TPTE: variants seen among roughly 807,000 people sequenced by gnomAD.
TPTE encodes putative tyrosine-protein phosphatase TPTE.
In TPTE, 59 loss-of-function variants were observed where a neutral mutation model predicts 84.1. The ratio of observed to expected loss-of-function variants is 0.70; its 90% CI spans 0.57 to 0.87. TPTE has a LOEUF of 0.87. Among genes scored for constraint, TPTE ranks in the 40% least tolerant of loss-of-function variants. The probability of loss-of-function intolerance (pLI) is 0.00; values close to 1 mark genes in which losing one functional copy is unlikely to be tolerated. For synonymous variants in TPTE, 130 were observed against 223.5 expected (o/e 0.58, Z 3.73); for missense variants, 382 against 659.6 (o/e 0.58, Z 4.61).
At chr21:10,570,216 G>A (rs1406753723) in intron 13 of TPTE, among the ~76,000 whole-genome samples, 1 of 152,312 alleles carries the variant, frequency 6.6e-6, no homozygotes, top group African/African-American at 2.4e-5. Flanking sequence ...TAAGAACAGG[G>A]GGAACTTCAG....
At chr21:10,577,401 A>G in intron 14 of TPTE, 59 bp from the exon 15 acceptor site, 1 of 1,613,780 alleles carries the variant, frequency 6.2e-7, no homozygotes, top group Non-Finnish European at 8.5e-7. Flanking sequence ...GGTTCCCCCT[A>G]GGAAATAGCT....
chr21:10,542,532 C>T, intron 6 of TPTE, 84 bp downstream of exon 6: 1 of 1,033,988 alleles, frequency 9.7e-7, no homozygotes, highest in South Asian at 1.5e-5. Flanking sequence ...AAGTATACCC[C>T]ATCCATCCAT....
At chr21:10,538,123 C>T (rs1291337930) in intron 3 of TPTE, among the ~76,000 whole-genome samples, 14 of 152,306 alleles carry the variant, frequency 9.2e-5, no homozygotes, top group African/African-American at 2.2e-4. Context: ...ACAGCAGGGA[C>T]GGAGAGTAGT....
chr21:10,552,609 T>C, intron 7 of TPTE, 48 bp from the exon 8 acceptor site: 1 of 1,613,122 alleles, frequency 6.2e-7, no homozygotes, highest in Non-Finnish European at 8.5e-7. Flanking sequence ...CTATTTTGTG[T>C]AGCAAATATC....
intron 20 of TPTE, among the ~76,000 whole-genome samples, chr21:10,596,650 C>A (rs796501159): frequency 0.036 from 5,324 of 146,324 alleles, no homozygotes; most frequent in South Asian, 0.073. Flanking sequence ...AGGGATGGGG[C>A]CTCACCACTC....
At chr21:10,547,074 G>A (rs1251773906) in intron 7 of TPTE, among the ~76,000 whole-genome samples, 2 of 152,308 alleles carry the variant, frequency 1.3e-5, no homozygotes, top group Non-Finnish European at 2.9e-5. Context: ...CAAAGCACAG[G>A]CCAATTCTCT....
At chr21:10,522,115 C>T (rs1428549086) in intron 1 of TPTE, among the ~76,000 whole-genome samples, 19 of 152,200 alleles carry the variant, frequency 1.2e-4, no homozygotes, top group Non-Finnish European at 1.9e-4. Context: ...TCCCGCGCCG[C>T]CCCCGAGGCG....
intron 13 of TPTE, 56 bp downstream of exon 13, chr21:10,569,802 G>C (rs530680197): frequency 6.2e-7 from 1 of 1,606,586 alleles, no homozygotes; most frequent in Non-Finnish European, 8.5e-7. Flanking sequence ...TCTTGTAATT[G>C]TATTTTTTTT....
At chr21:10,587,031 G>T (rs1353594123) in intron 17 of TPTE, among the ~76,000 whole-genome samples, 1 of 152,298 alleles carries the variant, frequency 6.6e-6, no homozygotes, top group African/African-American at 2.4e-5. Flanking sequence ...AAAGTCACAG[G>T]TGCAGGCTGA....
chr21:10,565,925 G>C (rs1382506970), intron 10 of TPTE, among the ~76,000 whole-genome samples: 4 of 152,298 alleles, frequency 2.6e-5, no homozygotes, highest in African/African-American at 9.6e-5. Flanking sequence ...ACATTGGGAA[G>C]AATCTCCAGG....
At chr21:10,570,917 C>CCCT (rs2075029494) in intron 14 of TPTE, among the ~76,000 whole-genome samples, 1 of 152,306 alleles carries the variant, frequency 6.6e-6, no homozygotes, top group South Asian at 2.1e-4. Context: ...GACTTGGCTA[C>CCCT]CCTCGACTGA....
intron 17 of TPTE, among the ~76,000 whole-genome samples, chr21:10,583,992 T>C (rs1162019977): frequency 1.3e-5 from 2 of 152,310 alleles, no homozygotes; most frequent in African/African-American, 2.4e-5. Context: ...CCATATAAAT[T>C]TGGGAATCAA....
intron 11 of TPTE, among the ~76,000 whole-genome samples, 194 bp from the exon 12 acceptor site, chr21:10,569,243 G>GACAC (rs146395051): frequency 6.6e-6 from 1 of 152,420 alleles, no homozygotes; most frequent in South Asian, 2.1e-4. Flanking sequence ...GTAACACACA[G>GACAC]ACACACACAC....
intron 14 of TPTE, chr21:10,576,700 T>C: frequency 6.6e-6 from 1 of 152,336 alleles, no homozygotes; most frequent in Non-Finnish European, 1.5e-5. Flanking sequence ...TTTTTGTTGT[T>C]GCACAGAGAT....
intron 17 of TPTE, among the ~76,000 whole-genome samples, chr21:10,581,943 C>G (rs1321706138): frequency 6.6e-6 from 1 of 152,310 alleles, no homozygotes; most frequent in African/African-American, 2.4e-5. Flanking sequence ...CTGTGTTGTC[C>G]AAACTGGTCT....
intron 3 of TPTE, among the ~76,000 whole-genome samples, chr21:10,537,305 A>ATATT (rs2074283299): frequency 2.6e-5 from 4 of 152,302 alleles, no homozygotes; most frequent in Non-Finnish European, 5.9e-5. Flanking sequence ...ATACATATAT[A>ATATT]TATTTAAATT....
chr21:10,601,918 A>T (rs1050004554), intron 21 of TPTE, 140 bp from the exon 22 acceptor site: 1 of 847,636 alleles, frequency 1.2e-6, no homozygotes, highest in Non-Finnish European at 1.9e-6. Context: ...GAGATTATTA[A>T]TAATTATTTA....
At chr21:10,558,320 A>G (rs1188507887) in intron 8 of TPTE, among the ~76,000 whole-genome samples, 1 of 152,312 alleles carries the variant, frequency 6.6e-6, no homozygotes, top group Non-Finnish European at 1.5e-5. Flanking sequence ...TCTTCAAGGT[A>G]TTGCCATAGT....
intron 14 of TPTE, among the ~76,000 whole-genome samples, chr21:10,573,968 CAAGGAGTAGAAAATAAA>C (rs1568721771): frequency 6.6e-6 from 1 of 152,304 alleles, no homozygotes; most frequent in Non-Finnish European, 1.5e-5. Flanking sequence ...AGTCTGGATT[CAAGGAGTAGAAAATAAA>C]CTCCAACTCT....
Sources: gnomAD v4.1 joint callset for allele counts (sites outside exome capture counted in the v4.1 genomes callset) on GRCh38, gnomAD v4.1.1 for gene constraint, MANE v1.5 for transcripts, NCBI Gene and HGNC (gene_info 2026-07-23, HGNC 2026-07-21) for gene names.